The following PLD1 variants were observed in gnomAD, a reference collection of about 807,000 sequenced individuals.
The protein encoded by PLD1 is choline phosphatase 1.
Under a neutral mutation model 137.1 loss-of-function variants are expected in PLD1, and 112 were observed. That is an observed-to-expected ratio of 0.82 (90% CI 0.70 to 0.96). PLD1 has a LOEUF of 0.96. PLD1 is among the 40% of genes least tolerant of loss of function. The probability of loss-of-function intolerance (pLI) is 0.00; values close to 1 mark genes in which losing one functional copy is unlikely to be tolerated. For missense variants in PLD1, 1,321 were observed against 1,342.0 expected (o/e 0.98, Z 0.24); for synonymous variants, 431 against 454.7 (o/e 0.95, Z 0.66).
At chr3:171,784,694 C>G (rs925669596) in intron 1 of PLD1, among the ~76,000 whole-genome samples, 1 of 152,160 alleles carries the variant, frequency 6.6e-6, no homozygotes, top group African/African-American at 2.4e-5. Flanking sequence ...TCTTCAAGCT[C>G]CAGCTCAAAC....
At chr3:171,628,645 T>G (rs1043159580) in intron 23 of PLD1, among the ~76,000 whole-genome samples, 1 of 151,238 alleles carries the variant, frequency 6.6e-6, no homozygotes, top group Admixed American at 6.6e-5. Context: ...CAGCAGCACA[T>G]CAAAAAGCTT....
intron 9 of PLD1, among the ~76,000 whole-genome samples, chr3:171,712,574 T>A (rs541464698): frequency 7.4e-4 from 113 of 152,284 alleles, no homozygotes; most frequent in African/African-American, 2.6e-3. Flanking sequence ...GGGAGGAATT[T>A]CAAATAAAGG....
chr3:171,767,934 C>T lies in PLD1; in HGVS notation c.-31-29852G>A, dbSNP rs79107143. Among the ~76,000 whole-genome samples, 1,423 of 144,048 alleles carry T rather than the reference C, an allele frequency of 9.9e-3. 21 individuals carry two copies. Among genetic ancestry groups the T allele is most frequent in the African/African-American group, 0.033 (1,342 of 40,986 alleles). 94.5% of individuals were successfully genotyped at this position (144,048 alleles called of 152,430 possible). ...CTCCAGCCTGGGCAACAGAGTGAGA[C>T]TCTGCCTCAAAAAAAAAGAGAGGGG... On this transcript the variant is annotated intron_variant, in intron 1 of 26. Coordinates refer to ENST00000351298, the MANE Select transcript of PLD1 (RefSeq NM_002662.5).
At chr3:171,776,696 G>C (rs992328475) in intron 1 of PLD1, among the ~76,000 whole-genome samples, 2 of 152,108 alleles carry the variant, frequency 1.3e-5, no homozygotes, top group Non-Finnish European at 2.9e-5. Context: ...TGTAACATCT[G>C]TCATGGCTCC....
intron 8 of PLD1, among the ~76,000 whole-genome samples, chr3:171,717,406 T>C (rs963594014): frequency 3.3e-5 from 5 of 152,208 alleles, no homozygotes; most frequent in African/African-American, 7.2e-5. Flanking sequence ...TAATTCTCAT[T>C]GTAGAGATCT....
At chr3:171,691,986 G>C (rs1195043631) in intron 13 of PLD1, among the ~76,000 whole-genome samples, 1 of 152,082 alleles carries the variant, frequency 6.6e-6, no homozygotes, top group Non-Finnish European at 1.5e-5. Flanking sequence ...AGTGATCAGG[G>C]GATGTCACAG....
rs1481790233 is a variant in PLD1 at position 171,600,866 on chromosome 3, T to C, written c.*2212A>G. 6.6e-6 allele frequency: 1 copy of C among 152,218 alleles called. No homozygotes were observed. Among genetic ancestry groups the C allele is most frequent in the African/African-American group, 2.4e-5 (1 of 41,448 alleles). 9.4% of individuals were successfully genotyped at this position (152,218 alleles called of 1,614,324 possible). On this transcript the variant is annotated 3_prime_UTR_variant, in exon 27 of 27. Transcript: ENST00000351298. ...CTCTCTCCTTCACCTTGTTTATTAATTCTACAAGCATTTATTGCCATCTCC... is the reference window on the plus strand; with the variant it reads ...CTCTCTCCTTCACCTTGTTTATTAACTCTACAAGCATTTATTGCCATCTCC...
At chr3:171,639,540 TAAATATATATTCATA>T (rs1253807214) in intron 23 of PLD1, among the ~76,000 whole-genome samples, 33 of 84,470 alleles carry the variant, frequency 3.9e-4, no homozygotes, top group African/African-American at 2.1e-3. Context: ...ATATATTATA[TAAATATATATTCATA>T]TAATATATAT....
chr3:171,668,296 T>C (rs564520231), intron 19 of PLD1, among the ~76,000 whole-genome samples: 1 of 152,328 alleles, frequency 6.6e-6, no homozygotes, highest in East Asian at 1.9e-4. Context: ...ACAACTCCCA[T>C]GGTAAATAAC....
chr3:171,757,626 G>A (rs1230664018), intron 1 of PLD1, among the ~76,000 whole-genome samples: 1 of 152,190 alleles, frequency 6.6e-6, no homozygotes, highest in Non-Finnish European at 1.5e-5. Context: ...TGGAAGGCAT[G>A]TATATGCTCA....
At chr3:171,619,977 G>A (rs578006583) in intron 24 of PLD1, among the ~76,000 whole-genome samples, 22 of 152,292 alleles carry the variant, frequency 1.4e-4, no homozygotes, top group Middle Eastern at 3.4e-3. Flanking sequence ...TTATTGGACT[G>A]CTGGGTTAAA....
intron 23 of PLD1, among the ~76,000 whole-genome samples, chr3:171,637,526 C>G (rs1035294916): frequency 2.0e-5 from 3 of 152,248 alleles, no homozygotes; most frequent in East Asian, 3.9e-4. Context: ...AGCCACCATG[C>G]CTGGTCCTTT....
At chr3:171,621,020 T>A (rs566321495) in intron 23 of PLD1, among the ~76,000 whole-genome samples, 24 of 152,112 alleles carry the variant, frequency 1.6e-4, no homozygotes, top group Admixed American at 2.6e-4. Context: ...CTACATCATT[T>A]GTAGCATATT....
Position 171,620,467 on chromosome 3 carries a change from C to T in PLD1, c.2647G>A (p.Glu883Lys), listed in dbSNP as rs1400916819. ...TCAGTTACTAGGTTTCCTTCGAGCT[C>T]TGCATGTGTTCTAAGACCACAGAAT... ...ISFCGLRTHA[E>K]LEGNLVTELI... The change falls in exon 24 of 27, where the codon GAG becomes AAG. Residue 883 changes from glutamate (E) to lysine (K), a missense_variant. By Grantham distance (56) the Glu-to-Lys change is moderately conservative. Coordinates refer to ENST00000351298, the MANE Select transcript of PLD1 (RefSeq NM_002662.5). The T allele has an allele frequency of 1.9e-6, 3 of 1,601,602 alleles. No homozygotes were observed. Among genetic ancestry groups the T allele is most frequent in the South Asian group, 2.2e-5 (2 of 90,410 alleles).
At chr3:171,763,805 A>G (rs981051382) in intron 1 of PLD1, among the ~76,000 whole-genome samples, 2 of 149,622 alleles carry the variant, frequency 1.3e-5, no homozygotes, top group Non-Finnish European at 1.5e-5. Flanking sequence ...ATAAAATAAC[A>G]TTATACAGCT....
intron 1 of PLD1, among the ~76,000 whole-genome samples, chr3:171,764,892 AAAGGAAGGAAGGAAGGAAGG>A (rs61475367): frequency 4.9e-5 from 1 of 20,368 alleles, no homozygotes; most frequent in African/African-American, 1.8e-4. Context: ...AGAAAGAAAG[AAAGGAAGGAAGGAAGGAAGG>A]AAAGAAAGAA....
intron 1 of PLD1, among the ~76,000 whole-genome samples, chr3:171,767,020 C>T (rs1460443680): frequency 4.6e-5 from 7 of 152,104 alleles, no homozygotes; most frequent in Admixed American, 4.6e-4. Context: ...CTTAAGGAAA[C>T]CTTCAAGACT....
chr3:171,735,584 C>T lies in PLD1; in HGVS notation c.342G>A (p.Trp114Ter). Residue 114 changes from tryptophan to a stop codon, truncating the protein, a stop_gained, in exon 4 of 27, where the codon TGG becomes TGA. Coordinates refer to ENST00000351298, the MANE Select transcript of PLD1 (RefSeq NM_002662.5). LOFTEE classifies it high-confidence loss of function. Reference protein sequence around the residue: ...TIELTHGEFKWQVKRKFKHFQ... With the variant: ...TIELTHGEFK ...AATGCTTGAATTTCCTCTTAACTTG[C>T]CATTTAAATTCCCCATGTGTTAATT... The T allele has an allele frequency of 6.3e-7, 1 of 1,576,706 alleles. No homozygotes were observed. Among genetic ancestry groups the T allele is most frequent in the Admixed American group, 1.7e-5 (1 of 59,962 alleles).
intron 1 of PLD1, chr3:171,765,061 G>A (rs2108319249): frequency 6.6e-6 from 1 of 152,254 alleles, no homozygotes; most frequent in East Asian, 1.9e-4. Context: ...GAGGAAAAGA[G>A]AGAGGTAGGG....
Sources: allele counts gnomAD v4.1 joint callset (sites outside exome capture counted in the v4.1 genomes callset), GRCh38; gene constraint gnomAD v4.1.1; transcripts MANE v1.5; gene names NCBI Gene and HGNC (gene_info 2026-07-23, HGNC 2026-07-21).